CNTN4: variants seen among roughly 807,000 people sequenced by gnomAD.
CNTN4 encodes contactin 4, also known as contactin-4.
A neutral mutation model predicts 122.5 loss-of-function variants in CNTN4; 77 were observed. The ratio of observed to expected loss-of-function variants is 0.63; its 90% CI spans 0.52 to 0.76. CNTN4 has a LOEUF of 0.76. CNTN4 is among the 30% of genes least tolerant of loss of function. The pLI, the probability that CNTN4 is intolerant of heterozygous loss-of-function variation, is 0.00. For synonymous variants in CNTN4, 512 were observed against 447.0 expected (o/e 1.15, Z -1.83); for missense variants, 1,256 against 1,259.1 (o/e 1.00, Z 0.04).
chr3:2,660,050 C>T (rs2083802957), intron 4 of CNTN4, among the ~76,000 whole-genome samples: 1 of 152,136 alleles, frequency 6.6e-6, no homozygotes, highest in African/African-American at 2.4e-5. Context: ...TGGCAAATCT[C>T]TATTTCCTCC....
At chr3:2,860,589 A>G (rs149677892) in intron 7 of CNTN4, among the ~76,000 whole-genome samples, 31 of 152,298 alleles carry the variant, frequency 2.0e-4, no homozygotes, top group African/African-American at 7.5e-4. Flanking sequence ...TCTGTCTTCT[A>G]ATTAATAGAG....
intron 14 of CNTN4, among the ~76,000 whole-genome samples, chr3:3,020,973 A>G (rs1044095596): frequency 1.3e-5 from 2 of 152,202 alleles, no homozygotes; most frequent in Non-Finnish European, 2.9e-5. Flanking sequence ...TTACCTCCCT[A>G]AATTGGAACA....
intron 6 of CNTN4, among the ~76,000 whole-genome samples, chr3:2,757,369 C>T (rs2090385322): frequency 6.6e-6 from 1 of 152,130 alleles, no homozygotes; most frequent in Admixed American, 6.6e-5. Context: ...AGTTTGTTGG[C>T]CCTGAGTCCC....
chr3:2,387,820 A>G (rs574133984), intron 3 of CNTN4, among the ~76,000 whole-genome samples: 1 of 152,320 alleles, frequency 6.6e-6, no homozygotes, highest in East Asian at 1.9e-4. Context: ...TTATACGTGA[A>G]CTATGTGTAT....
chr3:2,527,375 T>C (rs2077433709), intron 3 of CNTN4, among the ~76,000 whole-genome samples: 1 of 152,226 alleles, frequency 6.6e-6, no homozygotes. Context: ...CATTTTACTC[T>C]TGAGGACTGG....
intron 3 of CNTN4, among the ~76,000 whole-genome samples, chr3:2,503,801 T>C (rs2076661009): frequency 6.6e-6 from 1 of 152,028 alleles, no homozygotes; most frequent in African/African-American, 2.4e-5. Flanking sequence ...AACATAATCC[T>C]GGGTGGTGAA....
chr3:2,845,426 ATTACT>A (rs1272867182), intron 7 of CNTN4, among the ~76,000 whole-genome samples: 2 of 151,972 alleles, frequency 1.3e-5, no homozygotes, highest in South Asian at 2.1e-4. Context: ...CTAAAAATAA[ATTACT>A]TTATTAGTAA....
At chr3:2,554,141 A>G (rs1170723894) in intron 3 of CNTN4, among the ~76,000 whole-genome samples, 1 of 152,196 alleles carries the variant, frequency 6.6e-6, no homozygotes, top group Non-Finnish European at 1.5e-5. Context: ...TTAGGATACC[A>G]GTATGTATTC....
chr3:2,912,176 C>T (rs1577243396), intron 12 of CNTN4, among the ~76,000 whole-genome samples: 1 of 152,116 alleles, frequency 6.6e-6, no homozygotes, highest in Non-Finnish European at 1.5e-5. Context: ...AAAGAAAATC[C>T]TGAAAGCAGC....
chr3:2,552,233 CAAG>C (rs1162162299), intron 3 of CNTN4, among the ~76,000 whole-genome samples: 1 of 152,028 alleles, frequency 6.6e-6, no homozygotes, highest in Non-Finnish European at 1.5e-5. Flanking sequence ...AAACAAAAAA[CAAG>C]AACATTCAGG....
chr3:2,792,009 G>T (rs1015248139), intron 6 of CNTN4, among the ~76,000 whole-genome samples: 20 of 152,234 alleles, frequency 1.3e-4, no homozygotes, highest in African/African-American at 3.6e-4. Flanking sequence ...GTTGATAGGT[G>T]CAGCAAACCA....
chr3:2,658,495 G>A (rs575033506), intron 4 of CNTN4, among the ~76,000 whole-genome samples: 4 of 152,290 alleles, frequency 2.6e-5, no homozygotes, highest in East Asian at 3.9e-4. Context: ...AAAGCACACA[G>A]AGGTAATACG....
At chr3:2,766,809 G>T (rs2090881944) in intron 6 of CNTN4, among the ~76,000 whole-genome samples, 1 of 152,128 alleles carries the variant, frequency 6.6e-6, no homozygotes, top group Admixed American at 6.5e-5. Context: ...CAGAATTAAG[G>T]ACACATTCGC....
intron 1 of CNTN4, chr3:2,099,210 CG>C (rs925559212): frequency 6.6e-6 from 1 of 152,384 alleles, no homozygotes; most frequent in African/African-American, 2.4e-5. Context: ...CGCCTGAGCG[CG>C]GAGGACTCAG....
intron 2 of CNTN4, among the ~76,000 whole-genome samples, chr3:2,224,737 G>A (rs1350083947): frequency 6.6e-6 from 1 of 152,142 alleles, no homozygotes; most frequent in Non-Finnish European, 1.5e-5. Context: ...ATTTACTAAA[G>A]TACATCCTGT....
At position 2,653,535 on chromosome 3, in the gene CNTN4, T is replaced by G. The variant is rs186434792; in HGVS notation, c.55+81977T>G. On this transcript the variant is annotated intron_variant, in intron 4 of 24. Coordinates refer to ENST00000418658, the MANE Select transcript of CNTN4 (RefSeq NM_175607.3). Reference sequence around the variant, plus strand: ...AATTGACTTACCAAATAATATAGTTTCAAATCCCTGACATTAAGTCAACTA... The same window carrying G: ...AATTGACTTACCAAATAATATAGTTGCAAATCCCTGACATTAAGTCAACTA... 1.4e-4 allele frequency among the ~76,000 whole-genome samples: 21 copies of G among 152,274 alleles called. No individual in the cohort carries two copies. The East Asian group carries it at 3.9e-3, about 28-fold the overall frequency.
chr3:2,189,224 C>T (rs2037411804), intron 2 of CNTN4, among the ~76,000 whole-genome samples: 1 of 152,054 alleles, frequency 6.6e-6, no homozygotes, highest in Non-Finnish European at 1.5e-5. Context: ...CAGGGTGTGC[C>T]CAGGCAGGGG....
chr3:2,919,020 A>T (rs906933623), intron 12 of CNTN4, among the ~76,000 whole-genome samples: 12 of 151,966 alleles, frequency 7.9e-5, no homozygotes, highest in Non-Finnish European at 1.8e-4. Context: ...CTCTTACTTG[A>T]ATTATGCCAG....
intron 3 of CNTN4, among the ~76,000 whole-genome samples, chr3:2,521,331 G>A (rs967749078): frequency 7.9e-6 from 1 of 125,966 alleles, no homozygotes; most frequent in East Asian, 2.7e-4. Flanking sequence ...AACAAGGGTG[G>A]ACCTCTACCC....
Sources: gnomAD v4.1 joint callset for allele counts (sites outside exome capture counted in the v4.1 genomes callset) on GRCh38, gnomAD v4.1.1 for gene constraint, MANE v1.5 for transcripts, NCBI Gene and HGNC (gene_info 2026-07-23, HGNC 2026-07-21) for gene names.